The following SHISA9 variants were observed in gnomAD, a reference collection of about 807,000 sequenced individuals.
The protein encoded by SHISA9 is shisa family member 9.
Under a neutral mutation model 38.0 loss-of-function variants are expected in SHISA9, and 13 were observed. That is an observed-to-expected ratio of 0.34 (90% CI 0.22 to 0.54). The LOEUF is 0.54. Among genes scored for constraint, SHISA9 ranks in the 20% least tolerant of loss-of-function variants. The probability of loss-of-function intolerance (pLI) is 0.91; values close to 1 mark genes in which losing one functional copy is unlikely to be tolerated. For synonymous variants in SHISA9, 275 were observed against 242.0 expected, an observed-to-expected ratio of 1.14 and a Z score of -1.27; for missense variants, 538 against 575.8, an observed-to-expected ratio of 0.93 and a Z score of 0.67.
chr16:13,206,349 C>G (rs1300046838), intron 3 of SHISA9, among the ~76,000 whole-genome samples: 2 of 152,196 alleles, frequency 1.3e-5, no homozygotes, highest in Non-Finnish European at 2.9e-5. Flanking sequence ...CACTGCCAAG[C>G]CCCTCATTGG....
chr16:13,023,364 G>A (rs2072881328), intron 2 of SHISA9, among the ~76,000 whole-genome samples: 1 of 152,058 alleles, frequency 6.6e-6, no homozygotes, highest in Non-Finnish European at 1.5e-5. Flanking sequence ...CTTTTTTATG[G>A]CTGCACAGTA....
the SHISA9 span, among the ~76,000 whole-genome samples, chr16:13,462,903 A>C: frequency 5.1e-4 from 78 of 152,310 alleles, 1 homozygote; most frequent in African/African-American, 1.6e-3. Flanking sequence ...CAGAGGTTGC[A>C]GGGAGCCGAG....
chr16:13,131,607 T>C (rs189256730), intron 2 of SHISA9, among the ~76,000 whole-genome samples: 6 of 151,752 alleles, frequency 4.0e-5, no homozygotes, highest in African/African-American at 1.5e-4. Flanking sequence ...CCTACACATG[T>C]ACCCTAGAGC....
intron 2 of SHISA9, among the ~76,000 whole-genome samples, chr16:13,074,597 G>A (rs1366234269): frequency 1.3e-5 from 2 of 151,780 alleles, no homozygotes; most frequent in African/African-American, 2.4e-5. Context: ...CTACACTTGT[G>A]GGAGTACTGC....
rs954547080 is a variant in SHISA9 at position 12,908,386 on chromosome 16, G to C, written c.563+5759G>C. ...AATACATTGCAAAGTGTTGGCCTAA[G>C]TGGTGTTGAAAAATCCTTGTTGGTT... On this transcript the variant is annotated intron_variant, in intron 1 of 4. Coordinates refer to ENST00000558583, the MANE Select transcript of SHISA9 (RefSeq NM_001145204.3). 8.5e-6 allele frequency: 13 copies of C among 1,520,754 alleles called. No homozygotes were observed. In the African/African-American group the frequency reaches 1.7e-4, roughly 19 times the overall value. The allele number at this position is 1,520,754 out of a possible 1,614,324, so 94.2% of individuals were successfully genotyped here.
rs150085161 is a variant in SHISA9, at chr16:13,040,185, G to T, written c.691+123370G>T. Reference sequence around the variant, plus strand: ...ACCACTCCACTCAAACCATCCACCTGCAAACTCCTCTCTGTGCCCTGAGAA... The same window carrying T: ...ACCACTCCACTCAAACCATCCACCTTCAAACTCCTCTCTGTGCCCTGAGAA... On this transcript the variant is annotated intron_variant, in intron 2 of 4. Transcript: ENST00000558583. Among the ~76,000 whole-genome samples, 319 of 152,250 alleles carry T rather than the reference G, an allele frequency of 2.1e-3. 1 individual carries two copies. Among genetic ancestry groups the T allele is most frequent in the African/African-American group, 7.2e-3 (297 of 41,538 alleles).
chr16:13,420,759 G>A, the SHISA9 span, among the ~76,000 whole-genome samples: 14 of 152,172 alleles, frequency 9.2e-5, no homozygotes, highest in South Asian at 4.1e-4. Context: ...CCCCAGAAAC[G>A]CACAAATGCC....
At chr16:13,464,229 G>A in the SHISA9 span, among the ~76,000 whole-genome samples, 1 of 152,178 alleles carries the variant, frequency 6.6e-6, no homozygotes, top group African/African-American at 2.4e-5. Flanking sequence ...TTTAATTAAG[G>A]GTAGCTCTAA....
intron 4 of SHISA9, among the ~76,000 whole-genome samples, chr16:13,217,759 G>C (rs1423375520): frequency 6.6e-6 from 1 of 152,192 alleles, no homozygotes; most frequent in Non-Finnish European, 1.5e-5. Context: ...GCCGGGCGTG[G>C]TGGCTCATGC....
chr16:13,177,930 A>T (rs1328445224), intron 2 of SHISA9, among the ~76,000 whole-genome samples: 1 of 152,146 alleles, frequency 6.6e-6, no homozygotes, highest in Non-Finnish European at 1.5e-5. Flanking sequence ...GGCCTCCCAA[A>T]GTGCTGGGAT....
chr16:13,306,093 T>G, the SHISA9 span, among the ~76,000 whole-genome samples: 1 of 152,136 alleles, frequency 6.6e-6, no homozygotes, highest in Non-Finnish European at 1.5e-5. Flanking sequence ...TCCAGGGCTT[T>G]GAAGTAGGAG....
intron 2 of SHISA9, among the ~76,000 whole-genome samples, chr16:13,112,119 T>C (rs1013251285): frequency 2.0e-5 from 3 of 152,288 alleles, no homozygotes; most frequent in Admixed American, 1.3e-4. Context: ...AGGATTTTTT[T>C]TTGTTTGTTT....
intron 2 of SHISA9, among the ~76,000 whole-genome samples, chr16:12,929,841 C>T (rs2071440719): frequency 6.6e-6 from 1 of 152,148 alleles, no homozygotes; most frequent in East Asian, 1.9e-4. Flanking sequence ...CCCAGAATTG[C>T]TTCCACTTCA....
At chr16:12,912,965 A>G (rs10153140) in intron 1 of SHISA9, among the ~76,000 whole-genome samples, 9,338 of 151,378 alleles carry the variant, frequency 0.062, 971 homozygotes, top group African/African-American at 0.21. Flanking sequence ...CACGTGTCCA[A>G]CTCCTCGCTG....
the SHISA9 span, among the ~76,000 whole-genome samples, chr16:13,482,624 A>G: frequency 1.3e-5 from 2 of 151,998 alleles, no homozygotes; most frequent in East Asian, 3.9e-4. Flanking sequence ...ACATGGCAAG[A>G]CCCCATCTCT....
the SHISA9 span, among the ~76,000 whole-genome samples, chr16:13,462,866 G>A: frequency 0.011 from 1,690 of 152,250 alleles, 38 homozygotes; most frequent in African/African-American, 0.039. Context: ...GGAGGCCGAG[G>A]CAGGAGAATC....
At chr16:13,094,349 A>C (rs1195693940) in intron 2 of SHISA9, among the ~76,000 whole-genome samples, 1 of 152,202 alleles carries the variant, frequency 6.6e-6, no homozygotes, top group African/African-American at 2.4e-5. Context: ...ATGTATTGCT[A>C]AATATACTCA....
chr16:13,308,149 C>A, the SHISA9 span, among the ~76,000 whole-genome samples: 1 of 151,422 alleles, frequency 6.6e-6, no homozygotes, highest in Non-Finnish European at 1.5e-5. Flanking sequence ...AGTAATAGGA[C>A]AGTAAGAAAA....
the SHISA9 span, among the ~76,000 whole-genome samples, chr16:13,398,259 G>A: frequency 6.6e-6 from 1 of 152,124 alleles, no homozygotes; most frequent in Admixed American, 6.5e-5. Flanking sequence ...AAACCCGGGG[G>A]TGGAGCCCTG....
Sources: gnomAD v4.1 joint callset for allele counts (sites outside exome capture counted in the v4.1 genomes callset) on GRCh38, gnomAD v4.1.1 for gene constraint, MANE v1.5 for transcripts, NCBI Gene and HGNC (gene_info 2026-07-23, HGNC 2026-07-21) for gene names.